The following LIPA variants were observed in gnomAD, a reference collection of about 807,000 sequenced individuals.
The protein encoded by LIPA is lysosomal acid lipase/cholesteryl ester hydrolase.
LIPA carries 26 observed loss-of-function variants against 40.6 expected under a neutral mutation model. That is an observed-to-expected ratio of 0.64 (90% confidence interval 0.47 to 0.89). The LOEUF is 0.89. Ranked by LOEUF, LIPA falls within the 40% of genes least tolerant of loss-of-function variation. The pLI is 0.00. For synonymous variants in LIPA, 188 were observed against 168.4 expected (o/e 1.12, Z -0.90); for missense variants, 455 against 479.6 (o/e 0.95, Z 0.48).
At chr10:89,383,857 G>T in intron 2 of LIPA, 1 of 1,614,182 alleles carries the variant, frequency 6.2e-7, no homozygotes, top group Non-Finnish European at 8.5e-7. Flanking sequence ...TACTGGGTAC[G>T]CAATCACCGT....
chr10:89,273,509 C>CAAAG lies in LIPA; in HGVS notation c.-1-25864_-1-25861dup, dbSNP rs573081865. Among the ~76,000 whole-genome samples the CAAAG allele has an allele frequency of 3.9e-5, 6 of 152,260 alleles. No homozygotes were observed. In the South Asian group the frequency reaches 1.0e-3, roughly 26 times the overall value. On this transcript the variant is annotated intron_variant, in intron 1 of 5. Coordinates refer to the LIPA transcript ENST00000282673. ...TACCTAGGCTTCTGTAAAGCATCAACAAAGGCTCTGAGAAAACAGAGCTGA... is the reference window on the plus strand; with the variant it reads ...TACCTAGGCTTCTGTAAAGCATCAACAAAGAAAGGCTCTGAGAAAACAGAGCTGA...
At chr10:89,262,116 T>G (rs1243026661) in intron 1 of LIPA, among the ~76,000 whole-genome samples, 1 of 152,170 alleles carries the variant, frequency 6.6e-6, no homozygotes, top group African/African-American at 2.4e-5. Context: ...AAAACAAGAT[T>G]TTTATTGTTA....
intron 2 of LIPA, chr10:89,392,966 G>A (rs1779576579): frequency 1.5e-6 from 1 of 668,342 alleles, no homozygotes; most frequent in Non-Finnish European, 2.4e-6. Flanking sequence ...GCCCAAAGAA[G>A]GGGAGGGAAA....
chr10:89,244,178 CA>C (rs199763852), intron 3 of LIPA, among the ~76,000 whole-genome samples: 1 of 151,354 alleles, frequency 6.6e-6, no homozygotes, highest in South Asian at 2.1e-4. Context: ...AATCAAATTT[CA>C]AAAAAAATGG....
intron 2 of LIPA, among the ~76,000 whole-genome samples, chr10:89,394,671 T>C (rs1421402844): frequency 6.7e-6 from 1 of 148,580 alleles, no homozygotes; most frequent in Non-Finnish European, 1.5e-5. Context: ...TTTTTTATTG[T>C]GATAAAATAC....
rs573342755 is a variant in LIPA, at chr10:89,225,312, C to A, written c.539-84G>T. 3.9e-4 allele frequency: 474 copies of A among 1,212,856 alleles called. 6 individuals carry two copies. In the South Asian group the frequency reaches 6.4e-3, roughly 16 times the overall value. The allele number at this position is 1,212,856 out of a possible 1,614,324, so 75.1% of individuals were successfully genotyped here. ...AACACAAAGGCCGTCACTCGCGACG[C>A]CCTCTCGCGGAGGCCTGAGACCCAC... On this transcript the variant is annotated intron_variant, in intron 5 of 9. Transcript: ENST00000336233.
chr10:89,329,792 C>A (rs1261796612), intron 1 of LIPA, among the ~76,000 whole-genome samples: 4 of 152,142 alleles, frequency 2.6e-5, no homozygotes, highest in African/African-American at 9.7e-5. Flanking sequence ...TGTGAAGAGA[C>A]CACCAAACAG....
At chr10:89,283,046 G>C (rs1843324408) in intron 1 of LIPA, among the ~76,000 whole-genome samples, 2 of 152,192 alleles carry the variant, frequency 1.3e-5, no homozygotes, top group South Asian at 2.1e-4. Flanking sequence ...TATTAGTGTT[G>C]AATTAAGTTT....
intron 3 of LIPA, among the ~76,000 whole-genome samples, chr10:89,229,268 G>T (rs1031568421): frequency 1.3e-5 from 2 of 152,204 alleles, no homozygotes; most frequent in Non-Finnish European, 2.9e-5. Context: ...TATATGACAT[G>T]CTGGAAAAGA....
chr10:89,381,901 T>C (rs2133603303), intron 2 of LIPA, among the ~76,000 whole-genome samples: 1 of 152,270 alleles, frequency 6.6e-6, no homozygotes, highest in Non-Finnish European at 1.5e-5. Flanking sequence ...TTCTTGTGCC[T>C]CAGCCTCCAG....
At chr10:89,320,592 T>A (rs1423536583) in intron 1 of LIPA, among the ~76,000 whole-genome samples, 3 of 152,200 alleles carry the variant, frequency 2.0e-5, no homozygotes, top group Non-Finnish European at 4.4e-5. Flanking sequence ...TGGAAGAACA[T>A]TCCATGCTCA....
At chr10:89,281,698 A>G (rs1253541131) in intron 1 of LIPA, among the ~76,000 whole-genome samples, 1 of 152,260 alleles carries the variant, frequency 6.6e-6, no homozygotes, top group Non-Finnish European at 1.5e-5. Flanking sequence ...TGACTTTCTC[A>G]GCTCAATAGT....
chr10:89,278,736 G>A lies in LIPA; in HGVS notation c.-1-31087C>T, dbSNP rs183943317. Among the ~76,000 whole-genome samples the A allele has an allele frequency of 9.9e-5, 15 of 151,856 alleles. No individual in the cohort carries two copies. In the East Asian group the frequency reaches 1.5e-3, roughly 16 times the overall value. On this transcript the variant is annotated intron_variant, in intron 1 of 5. Coordinates refer to the LIPA transcript ENST00000282673. ...AATTGTGAAAAATGTAAAATCTTCA[G>A]TCTAGGTTAAAAAAAGTAATTATGG...
intron 1 of LIPA, among the ~76,000 whole-genome samples, chr10:89,265,059 C>T (rs1483865643): frequency 6.6e-6 from 1 of 152,210 alleles, no homozygotes; most frequent in Non-Finnish European, 1.5e-5. Context: ...GTTGGTGCCA[C>T]CCTGAGCACA....
intron 1 of LIPA, among the ~76,000 whole-genome samples, chr10:89,264,216 C>T (rs1843224083): frequency 6.6e-6 from 1 of 152,184 alleles, no homozygotes; most frequent in South Asian, 2.1e-4. Context: ...TTCAGTCCCA[C>T]CATTCAGGGG....
chr10:89,327,893 T>C lies in LIPA; in HGVS notation c.-2+14718A>G, dbSNP rs999637989. 8.8e-6 allele frequency: 5 copies of C among 565,350 alleles called. No homozygotes were observed. The Admixed American group carries it at 1.7e-4, about 20-fold the overall frequency. 35.0% of individuals were successfully genotyped at this position (565,350 alleles called of 1,614,324 possible). ...AAATTAGTTTCACTTTCCAGTTTCC[T>C]CTTCCTTCCCCTAAAAGCAATTACT... On this transcript the variant is annotated intron_variant, in intron 1 of 5. Transcript: ENST00000282673.
At chr10:89,246,418 C>T (rs1225810805) in intron 2 of LIPA, among the ~76,000 whole-genome samples, 2 of 152,178 alleles carry the variant, frequency 1.3e-5, no homozygotes, top group African/African-American at 4.8e-5. Context: ...TGCACATACC[C>T]TCTCTACCAT....
At chr10:89,384,329 T>A in intron 2 of LIPA, 1 of 1,614,172 alleles carries the variant, frequency 6.2e-7, no homozygotes, top group Non-Finnish European at 8.5e-7. Context: ...AAGCGAACAT[T>A]TGAGATGGCC....
intron 1 of LIPA, among the ~76,000 whole-genome samples, chr10:89,326,082 G>T (rs1843597322): frequency 6.6e-6 from 1 of 152,100 alleles, no homozygotes; most frequent in African/African-American, 2.4e-5. Context: ...TAATCCCACT[G>T]CCAGGAATAC....
Sources: gnomAD v4.1 joint callset for allele counts (sites outside exome capture counted in the v4.1 genomes callset) on GRCh38, gnomAD v4.1.1 for gene constraint, MANE v1.5 for transcripts, NCBI Gene and HGNC (gene_info 2026-07-23, HGNC 2026-07-21) for gene names.